CNTROB: variants seen among roughly 807,000 people sequenced by gnomAD.
CNTROB encodes the protein centrobin, centriole duplication and spindle assembly protein.
Under a neutral mutation model 115.7 loss-of-function variants are expected in CNTROB, and 82 were observed. The observed-to-expected ratio is 0.71, with a 90% CI of 0.59 to 0.85. CNTROB has a LOEUF of 0.85. Ranked by LOEUF, CNTROB falls within the 40% of genes least tolerant of loss-of-function variation. CNTROB has a pLI of 0.00. For missense variants in CNTROB, 1,014 were observed against 1,144.4 expected (o/e 0.89, Z 1.64); for synonymous variants, 439 against 456.4 (o/e 0.96, Z 0.49).
rs1974804553 is a variant in CNTROB at position 7,948,329 on chromosome 17, T to C, written c.2380+2T>C. 6.2e-7 allele frequency: 1 copy of C among 1,613,680 alleles called. No individual in the cohort carries two copies. The highest frequency in any genetic ancestry group is 1.7e-5 in the Admixed American group (1 of 59,972). On this transcript the variant is annotated splice_donor_variant, in intron 16 of 18. Transcript: ENST00000563694. LOFTEE classifies it high-confidence loss of function. This position sits in a 1 kb window ranked among gnomAD's most constrained non-coding sequence, Gnocchi z 4.4. The stretch of plus-strand genomic sequence containing the variant: ...CCAGCAGTGGTTCCCCAGAGAGAGG[T>C]GAGCATGTTCTGGTTTATTAGGGAA...
rs935419492 is a variant in CNTROB at position 7,937,046 on chromosome 17, C to T, written c.829-118C>T. ...CCACACCATGTAGTCTTCTATCTGG[C>T]CCCTTAGTCATTTAGTTAACTGTGA... On this transcript the variant is annotated intron_variant, in intron 6 of 18. Transcript: ENST00000563694. 3 of 1,280,314 alleles carry T rather than the reference C, an allele frequency of 2.3e-6. No homozygotes were observed. The African/African-American group carries it at 4.4e-5, about 19-fold the overall frequency. 79.3% of individuals were successfully genotyped at this position (1,280,314 alleles called of 1,614,324 possible).
chr17:7,939,565 G>A lies in CNTROB; in HGVS notation c.980G>A (p.Cys327Tyr), dbSNP rs1973603403. The change falls in exon 8 of 19, where the codon TGC becomes TAC. Residue 327 changes from cysteine (C) to tyrosine (Y), a missense_variant. Cys to Tyr is a radical substitution (Grantham distance 194). Transcript: ENST00000563694. This position sits in a 1 kb window ranked among gnomAD's most constrained non-coding sequence, Gnocchi z 4.4. ...TLRLEAEQQR[C>Y]CVLQEERDAA... ...AGGTTGGAGGCAGAACAGCAGCGGT[G>A]CTGTGTCCTGCAGGAAGAGCGGGAT... 6.2e-7 allele frequency: 1 copy of A among 1,614,162 alleles called. No individual in the cohort carries two copies. The highest frequency in any genetic ancestry group is 8.5e-7 in the Non-Finnish European group (1 of 1,180,024).
At chr17:7,934,272 G>A in intron 2 of CNTROB, 50 bp downstream of exon 2, 1 of 1,554,318 alleles carries the variant, frequency 6.4e-7, no homozygotes, top group Non-Finnish European at 8.9e-7. Context: ...AGATGTAAGG[G>A]GTGGGAGAAA....
intron 12 of CNTROB, chr17:7,945,433 C>G (rs1205534226): frequency 3.6e-6 from 1 of 278,402 alleles, no homozygotes; most frequent in Non-Finnish European, 6.6e-6. Context: ...AGGTCTCACT[C>G]TGTTGCCCAG....
At chr17:7,941,069 G>A (rs1973797625) in intron 9 of CNTROB, among the ~76,000 whole-genome samples, 1 of 152,218 alleles carries the variant, frequency 6.6e-6, no homozygotes, top group Non-Finnish European at 1.5e-5. Context: ...ATTGGAGAGA[G>A]CTGTGTTCCA....
chr17:7,934,618 C>G lies in CNTROB; in HGVS notation c.437+72C>G, dbSNP rs1972924960. 3 of 1,330,216 alleles carry G rather than the reference C, an allele frequency of 2.3e-6. No individual in the cohort carries two copies. The African/African-American group carries it at 4.3e-5, about 19-fold the overall frequency. The allele number at this position is 1,330,216 out of a possible 1,614,324, so 82.4% of individuals were successfully genotyped here. ...TCCAGGTGTTTTGTTCCTTATTTCT[C>G]CCTTTATTGCTTTTGTACCTCTTAA... On this transcript the variant is annotated intron_variant, in intron 3 of 18. Coordinates refer to ENST00000563694, the MANE Select transcript of CNTROB (RefSeq NM_053051.5).
intron 1 of CNTROB, 151 bp downstream of exon 1, chr17:7,933,500 A>G (rs4239114): frequency 0.52 from 434,221 of 835,794 alleles, 120,214 homozygotes; most frequent in East Asian, 0.93. Flanking sequence ...CCATGCTTAT[A>G]AGGGAGGGAG....
intron 1 of CNTROB, 44 bp downstream of exon 1, chr17:7,933,393 AG>A (rs769300010): frequency 1.3e-6 from 2 of 1,562,192 alleles, no homozygotes; most frequent in Non-Finnish European, 1.7e-6. Flanking sequence ...ACTAGACACC[AG>A]AGAGTCTTGG....
In CNTROB at chr17:7,944,006, C is replaced by T. The variant is rs956805148; in HGVS notation, c.1446-117C>T. 117 of 741,314 alleles carry T rather than the reference C, an allele frequency of 1.6e-4. No homozygotes were observed. The highest frequency in any genetic ancestry group is 2.5e-5 in the Non-Finnish European group (11 of 433,350). The allele number at this position is 741,314 out of a possible 1,614,324, so 45.9% of individuals were successfully genotyped here. On this transcript the variant is annotated intron_variant, in intron 10 of 18. Transcript: ENST00000563694. This position sits in a 1 kb window ranked among gnomAD's most constrained non-coding sequence, Gnocchi z 4.0. ...TCCTTGCCGCTTCCTGTGCCATGGC[C>T]AGGCTAGCTGACTGGCTATCTGGGT...
chr17:7,938,001 G>GT (rs368082295), intron 7 of CNTROB, among the ~76,000 whole-genome samples: 2,886 of 104,240 alleles, frequency 0.028, 123 homozygotes, highest in Middle Eastern at 0.077. Context: ...TTCTTTTCGT[G>GT]TTTTTTTTTT....
At position 7,944,344 on chromosome 17, in the gene CNTROB, C is replaced by A; in HGVS notation, c.1571+96C>A. On this transcript the variant is annotated intron_variant, in intron 11 of 18. Transcript: ENST00000563694. This position sits in a 1 kb window ranked among gnomAD's most constrained non-coding sequence, Gnocchi z 4.0. ...GTGAAGAGCTGCTCCCTTGATTGAT[C>A]TGTCCTCCTCTACATGGGCCCCAGC... is the stretch of plus-strand genomic sequence containing the variant. 1 of 1,547,444 alleles carries A rather than the reference C, an allele frequency of 6.5e-7. No homozygotes were observed. Among genetic ancestry groups the A allele is most frequent in the Non-Finnish European group, 8.9e-7 (1 of 1,120,516 alleles).
intron 13 of CNTROB, among the ~76,000 whole-genome samples, chr17:7,946,995 C>T (rs1393269645): frequency 6.6e-6 from 1 of 151,836 alleles, no homozygotes; most frequent in Non-Finnish European, 1.5e-5. Flanking sequence ...CCCGTCTCTA[C>T]TAAAAATACA....
chr17:7,935,362 C>T, intron 4 of CNTROB, among the ~76,000 whole-genome samples: 1 of 152,096 alleles, frequency 6.6e-6, no homozygotes, highest in Non-Finnish European at 1.5e-5. Context: ...ATTAGCCGGG[C>T]ATGGTGGTGG....
intron 7 of CNTROB, among the ~76,000 whole-genome samples, chr17:7,937,917 A>AT (rs1973379011): frequency 6.7e-6 from 1 of 150,364 alleles, no homozygotes; most frequent in African/African-American, 2.5e-5. Context: ...TTCCTGGGTG[A>AT]TTTTTTTCAA....
At position 7,944,117 on chromosome 17, in the gene CNTROB, C is replaced by T. The variant is rs369506875; in HGVS notation, c.1446-6C>T. 4 of 1,605,046 alleles carry T rather than the reference C, an allele frequency of 2.5e-6. No homozygotes were observed. The African/African-American group carries it at 4.0e-5, about 16-fold the overall frequency. Reference sequence around the variant, plus strand: ...TCAGGCCTCTTCTCCTACCTGTGCCCTGTAGGAAGCAGCTGCAGGACCTGA... The same window carrying T: ...TCAGGCCTCTTCTCCTACCTGTGCCTTGTAGGAAGCAGCTGCAGGACCTGA... On this transcript the variant is annotated splice_region_variant and splice_polypyrimidine_tract_variant and intron_variant, in intron 10 of 18. Coordinates refer to ENST00000563694, the MANE Select transcript of CNTROB (RefSeq NM_053051.5). This position sits in a 1 kb window ranked among gnomAD's most constrained non-coding sequence, Gnocchi z 4.0.
chr17:7,948,552 G>A lies in CNTROB; in HGVS notation c.2446G>A (p.Ala816Thr), dbSNP rs1370015687. 1.3e-5 allele frequency: 21 copies of A among 1,614,170 alleles called. No homozygotes were observed. The highest frequency in any genetic ancestry group is 1.7e-5 in the Non-Finnish European group (20 of 1,180,026). Residue 816 changes from alanine (A) to threonine (T), a missense_variant, in exon 17 of 19, where the codon GCT (alanine) becomes ACT (threonine). By Grantham distance (58) the Ala-to-Thr change is moderately conservative. Coordinates refer to ENST00000563694, the MANE Select transcript of CNTROB (RefSeq NM_053051.5). The surrounding 1 kb of genome is among the most constrained non-coding windows in gnomAD (Gnocchi z 4.4). ...GTCTCAACTGTTGCGACTCTACCAG[G>A]CTCGGGGCTGGGGGGCTCTGCCTGC... ...EVSQLLRLYQ[A>T]RGWGALPAED...
At chr17:7,945,494 C>T in intron 12 of CNTROB, 2 of 507,234 alleles carry the variant, frequency 3.9e-6, no homozygotes, top group South Asian at 2.7e-5. Context: ...TGGGACTACA[C>T]ACACGTGCCA....
Position 7,944,101 on chromosome 17 carries a change from T to C in CNTROB, c.1446-22T>C, listed in dbSNP as rs770566387. 2 of 1,593,796 alleles carry C rather than the reference T, an allele frequency of 1.3e-6. No individual in the cohort carries two copies. The highest frequency in any genetic ancestry group is 1.7e-6 in the Non-Finnish European group (2 of 1,162,152). ...TCTTCTGTCTCCAGTCTCAGGCCTC[T>C]TCTCCTACCTGTGCCCTGTAGGAAG... is the stretch of plus-strand genomic sequence containing the variant. On this transcript the variant is annotated intron_variant, in intron 10 of 18. Coordinates refer to ENST00000563694, the MANE Select transcript of CNTROB (RefSeq NM_053051.5). The surrounding 1 kb of genome is among the most constrained non-coding windows in gnomAD (Gnocchi z 4.0).
rs1424581035 is a variant in CNTROB, at chr17:7,944,246, C to T, written c.1569C>T (p.Leu523=). 8.1e-6 allele frequency: 13 copies of T among 1,613,900 alleles called. No individual in the cohort carries two copies. The East Asian group carries it at 2.9e-4, about 36-fold the overall frequency. The change falls in exon 11 of 19, where the codon CTC becomes CTT. Residue 523 remains leucine (L), a splice_region_variant and synonymous_variant. Transcript: ENST00000563694. This position sits in a 1 kb window ranked among gnomAD's most constrained non-coding sequence, Gnocchi z 4.0. ...AGCAGGTGGCTGAGGACTACGAGCT[C>T]AGGTCCTGGTCCCCAGAGTGCCCCT... is the stretch of plus-strand genomic sequence containing the variant. ...RQQQVAEDYE[L]RLAREQARVC...
Sources: allele counts gnomAD v4.1 joint callset (sites outside exome capture counted in the v4.1 genomes callset), GRCh38; gene constraint gnomAD v4.1.1; non-coding constraint Gnocchi (gnomAD v3.1); transcripts MANE v1.5; gene names NCBI Gene and HGNC (gene_info 2026-07-23, HGNC 2026-07-21).